The following SLC41A2 variants were observed in gnomAD, a reference collection of about 807,000 sequenced individuals.
The protein encoded by SLC41A2 is solute carrier family 41 member 2, also known as SLC41A1-like 1.
SLC41A2 carries 32 observed loss-of-function variants against 58.3 expected under a neutral mutation model. The ratio of observed to expected loss-of-function variants is 0.55; its 90% CI spans 0.41 to 0.74. The LOEUF (loss-of-function observed/expected upper bound fraction) is 0.74. Among genes scored for constraint, SLC41A2 ranks in the 30% least tolerant of loss-of-function variants. The pLI, the probability that SLC41A2 is intolerant of heterozygous loss-of-function variation, is 0.00. For missense variants in SLC41A2, 514 were observed against 680.6 expected (o/e 0.76, Z 2.72); for synonymous variants, 190 against 235.0 (o/e 0.81, Z 1.75).
chr12:104,812,664 C>T (rs1449913754), intron 10 of SLC41A2, among the ~76,000 whole-genome samples: 1 of 151,798 alleles, frequency 6.6e-6, no homozygotes, highest in East Asian at 1.9e-4. Flanking sequence ...ATGGAAGAGG[C>T]AACATAACAG....
chr12:104,894,066 G>A (rs10778354), intron 4 of SLC41A2, among the ~76,000 whole-genome samples: 76,645 of 151,898 alleles, frequency 0.5, 19,723 homozygotes, highest in Middle Eastern at 0.56. Context: ...TAGATGATGT[G>A]ATTGTTATGC....
intron 1 of SLC41A2, among the ~76,000 whole-genome samples, chr12:104,941,613 G>C (rs1160685653): frequency 6.6e-6 from 1 of 152,196 alleles, no homozygotes; most frequent in Non-Finnish European, 1.5e-5. Context: ...TCTTAACTGA[G>C]AAAATGTTGA....
chr12:104,952,776 AT>A (rs1370033223), intron 1 of SLC41A2, among the ~76,000 whole-genome samples: 4 of 152,194 alleles, frequency 2.6e-5, no homozygotes, highest in Non-Finnish European at 5.9e-5. Context: ...AAGAAAAAAA[AT>A]GTCACTTTAG....
intron 2 of SLC41A2, among the ~76,000 whole-genome samples, chr12:104,922,885 T>G (rs2046660705): frequency 1.3e-5 from 2 of 152,024 alleles, no homozygotes; most frequent in African/African-American, 4.8e-5. Context: ...CCTCAGAAAC[T>G]ACACAAACAC....
rs906229257 is a variant in SLC41A2, at chr12:104,899,892, G to A, written c.664-4547C>T. Among the ~76,000 whole-genome samples the A allele has an allele frequency of 5.9e-5, 9 of 152,116 alleles. 1 individual carries two copies. Among genetic ancestry groups the A allele is most frequent in the Admixed American group, 1.3e-4 (2 of 15,278 alleles). On this transcript the variant is annotated intron_variant, in intron 3 of 10. Transcript: ENST00000258538. The stretch of plus-strand genomic sequence containing the variant: ...TTCTGCCTACTTTTTTGTTGTTTTT[G>A]TTGTTGTTGTTGTGGCTGTTGTTGT...
At chr12:104,828,358 A>G (rs2041923796) in intron 10 of SLC41A2, among the ~76,000 whole-genome samples, 1 of 152,240 alleles carries the variant, frequency 6.6e-6, no homozygotes, top group Non-Finnish European at 1.5e-5. Flanking sequence ...CTCATTCTCT[A>G]AGCCCACAGG....
chr12:104,906,331 G>A (rs1221619371), intron 3 of SLC41A2, among the ~76,000 whole-genome samples: 1 of 152,174 alleles, frequency 6.6e-6, no homozygotes, highest in East Asian at 1.9e-4. Context: ...ACCATTAGGT[G>A]CCAATGAACC....
chr12:104,888,417 T>C (rs1485663132), intron 5 of SLC41A2, among the ~76,000 whole-genome samples: 2 of 152,094 alleles, frequency 1.3e-5, no homozygotes, highest in East Asian at 3.8e-4. Context: ...GTCTTTATGA[T>C]TGTGATTCCA....
At chr12:104,876,158 CTTTT>C (rs201562627) in intron 6 of SLC41A2, among the ~76,000 whole-genome samples, 2 of 151,230 alleles carry the variant, frequency 1.3e-5, no homozygotes, top group African/African-American at 4.9e-5. Context: ...TCAGTCTTCT[CTTTT>C]TTTTTCTTAG....
chr12:104,803,260 T>TTAAG lies in SLC41A2; in HGVS notation c.*1888_*1891dup, dbSNP rs1236853548. 6.6e-6 allele frequency: 1 copy of TTAAG among 151,916 alleles called. No homozygotes were observed. Among genetic ancestry groups the TTAAG allele is most frequent in the Non-Finnish European group, 1.5e-5 (1 of 67,968 alleles). 9.4% of individuals were successfully genotyped at this position (151,916 alleles called of 1,614,324 possible). On this transcript the variant is annotated 3_prime_UTR_variant, in exon 11 of 11. Transcript: ENST00000258538. ...AAATCAAAGATATTCATGGATTTTT[T>TTAAG]TAAGTAAAAAATCTTTGCAGCTAAA...
chr12:104,868,443 C>T lies in SLC41A2; in HGVS notation c.1028-1864G>A, dbSNP rs59751889. Among the ~76,000 whole-genome samples the T allele has an allele frequency of 8.5e-3, 1,294 of 152,164 alleles. 17 individuals are homozygous for T. The highest frequency in any genetic ancestry group is 0.029 in the African/African-American group (1,192 of 41,508). ...TGGAAGGACATCTGAAGCTGAAAAACGCACCCACCACACCCACCCCAGAAT... is the reference window on the plus strand; with the variant it reads ...TGGAAGGACATCTGAAGCTGAAAAATGCACCCACCACACCCACCCCAGAAT... On this transcript the variant is annotated intron_variant, in intron 6 of 10. Transcript: ENST00000258538.
At chr12:104,824,254 C>T (rs890364207) in intron 10 of SLC41A2, among the ~76,000 whole-genome samples, 2 of 152,012 alleles carry the variant, frequency 1.3e-5, no homozygotes, top group Admixed American at 1.3e-4. Flanking sequence ...TAAACCCCCC[C>T]GAGACCCCAG....
intron 3 of SLC41A2, among the ~76,000 whole-genome samples, chr12:104,901,529 G>A (rs1280509732): frequency 2.6e-5 from 4 of 151,908 alleles, no homozygotes; most frequent in East Asian, 3.9e-4. Context: ...TGTAAAAATA[G>A]GAAACCTATT....
At chr12:104,922,951 G>T (rs1263608254) in intron 2 of SLC41A2, among the ~76,000 whole-genome samples, 2 of 151,706 alleles carry the variant, frequency 1.3e-5, no homozygotes, top group South Asian at 2.1e-4. Flanking sequence ...AATTAAGAAG[G>T]AAATTTAAAA....
At chr12:104,947,123 A>C (rs531451552) in intron 1 of SLC41A2, among the ~76,000 whole-genome samples, 1 of 151,982 alleles carries the variant, frequency 6.6e-6, no homozygotes, top group East Asian at 1.9e-4. Context: ...CTTACCAATG[A>C]AATATACTAT....
chr12:104,889,099 G>T lies in SLC41A2; in HGVS notation c.814C>A (p.Leu272Ile). 2 of 1,611,916 alleles carry T rather than the reference G, an allele frequency of 1.2e-6. No individual in the cohort carries two copies. Among genetic ancestry groups the T allele is most frequent in the South Asian group, 2.2e-5 (2 of 90,404 alleles). The change falls in exon 5 of 11, where the codon CTT becomes ATT. Residue 272 changes from leucine (L) to isoleucine (I), a missense_variant. Around this residue, in one of 3 missense-constraint regions of SLC41A2, gnomAD observed 336 missense variants for 430.0 expected, o/e 0.78. Coordinates refer to ENST00000258538, the MANE Select transcript of SLC41A2 (RefSeq NM_001352171.3). Reference protein sequence around the residue: ...LGWIPEGKYYLDHSILLCSSS... With the variant: ...LGWIPEGKYYIDHSILLCSSS... ...GAGCACAGAAGTATGGAATGATCAA[G>T]GTAATATTTTCCTTCTGGAATCCAG... is the stretch of plus-strand genomic sequence containing the variant.
At chr12:104,917,575 C>G (rs997599567) in intron 2 of SLC41A2, among the ~76,000 whole-genome samples, 4 of 151,342 alleles carry the variant, frequency 2.6e-5, no homozygotes, top group Non-Finnish European at 4.4e-5. Flanking sequence ...GGAACCAACC[C>G]AAATATCCAA....
At chr12:104,884,406 T>C (rs945654513) in intron 6 of SLC41A2, among the ~76,000 whole-genome samples, 3 of 152,104 alleles carry the variant, frequency 2.0e-5, no homozygotes, top group African/African-American at 7.2e-5. Flanking sequence ...AATGCAGAAA[T>C]CACCCATCTT....
At chr12:104,888,104 C>T (rs1259861023) in intron 5 of SLC41A2, among the ~76,000 whole-genome samples, 1 of 151,902 alleles carries the variant, frequency 6.6e-6, no homozygotes, top group Non-Finnish European at 1.5e-5. Context: ...TATTTTTGTA[C>T]CAACAATTTA....
Sources: gnomAD v4.1 joint callset for allele counts (sites outside exome capture counted in the v4.1 genomes callset) on GRCh38, gnomAD v4.1.1 for gene constraint, gnomAD v4.1.1 regional missense constraint, MANE v1.5 for transcripts, NCBI Gene and HGNC (gene_info 2026-07-23, HGNC 2026-07-21) for gene names.